Variants in MYO1D observed in about 807,000 individuals in gnomAD.
MYO1D encodes myosin ID.
In MYO1D, 83 loss-of-function variants were observed where a neutral mutation model predicts 122.0. The observed-to-expected ratio is 0.68, with a 90% confidence interval of 0.57 to 0.82. The LOEUF (loss-of-function observed/expected upper bound fraction) is 0.82, where lower values mean the gene tolerates loss of function less well. MYO1D is among the 40% of genes least tolerant of loss of function. The pLI is 0.00. For missense variants in MYO1D, 1,157 were observed against 1,269.5 expected, an observed-to-expected ratio of 0.91 and a Z score of 1.35; for synonymous variants, 464 against 446.9, an observed-to-expected ratio of 1.04 and a Z score of -0.48.
At chr17:32,548,703 A>G (rs2086985889) in intron 21 of MYO1D, among the ~76,000 whole-genome samples, 1 of 145,942 alleles carries the variant, frequency 6.9e-6, no homozygotes, top group African/African-American at 2.6e-5. Flanking sequence ...TTCTTTTTAA[A>G]TTATTTTTTG....
chr17:32,728,503 G>A lies in MYO1D; in HGVS notation c.1747-7314C>T, dbSNP rs373311233. On this transcript the variant is annotated intron_variant, in intron 14 of 21. Transcript: ENST00000318217. The stretch of plus-strand genomic sequence containing the variant: ...TTACAGGCATGAGCCACCGCGCCCG[G>A]CTGCAAATTATTTTTTAAAGACAAA... Among the ~76,000 whole-genome samples the A allele has an allele frequency of 3.9e-5, 6 of 152,230 alleles. No homozygotes were observed. The East Asian group carries it at 7.7e-4, about 20-fold the overall frequency.
chr17:32,757,955 T>A (rs1990823), intron 10 of MYO1D, among the ~76,000 whole-genome samples: 65,953 of 151,882 alleles, frequency 0.43, 14,914 homozygotes, highest in East Asian at 0.73. Context: ...TTCTCAATAG[T>A]TAAAATGATT....
chr17:32,872,798 G>A (rs1324862715), intron 1 of MYO1D, among the ~76,000 whole-genome samples: 2 of 148,584 alleles, frequency 1.3e-5, no homozygotes, highest in Non-Finnish European at 3.0e-5. Flanking sequence ...CCGGGTTCAC[G>A]CCATTCTCCT....
chr17:32,627,359 T>C (rs2087942076), intron 20 of MYO1D, among the ~76,000 whole-genome samples: 1 of 152,110 alleles, frequency 6.6e-6, no homozygotes, highest in Non-Finnish European at 1.5e-5. Flanking sequence ...ACCCCTTCCT[T>C]TGGGACACTG....
chr17:32,506,997 AG>A (rs1343008770), intron 21 of MYO1D, among the ~76,000 whole-genome samples: 3 of 152,226 alleles, frequency 2.0e-5, no homozygotes, highest in African/African-American at 7.2e-5. Context: ...ATTAAAAAAA[AG>A]TTCATTAGAT....
At chr17:32,634,787 C>G (rs898795712) in intron 20 of MYO1D, among the ~76,000 whole-genome samples, 1 of 152,134 alleles carries the variant, frequency 6.6e-6, no homozygotes, top group Non-Finnish European at 1.5e-5. Flanking sequence ...GGGAAGAATC[C>G]AAGGACCTAG....
intron 3 of MYO1D, among the ~76,000 whole-genome samples, chr17:32,776,532 C>A (rs914746994): frequency 1.3e-5 from 2 of 152,098 alleles, no homozygotes; most frequent in African/African-American, 4.8e-5. Flanking sequence ...TTTTGTTTTT[C>A]ATTTTATAAA....
At chr17:32,598,394 C>A (rs997775297) in intron 21 of MYO1D, among the ~76,000 whole-genome samples, 17 of 152,062 alleles carry the variant, frequency 1.1e-4, no homozygotes, top group African/African-American at 3.9e-4. Flanking sequence ...AAAAAAGAAA[C>A]CTGTTTGACT....
chr17:32,525,704 G>A (rs1190223412), intron 21 of MYO1D, among the ~76,000 whole-genome samples: 4 of 152,036 alleles, frequency 2.6e-5, no homozygotes, highest in Admixed American at 2.0e-4. Flanking sequence ...ACACTGCAGC[G>A]GCCCTCCCTG....
chr17:32,718,110 AG>A (rs894516634), intron 15 of MYO1D, among the ~76,000 whole-genome samples: 1 of 152,190 alleles, frequency 6.6e-6, no homozygotes, highest in Non-Finnish European at 1.5e-5. Flanking sequence ...TTTTTAAAAA[AG>A]TTTAGTTTTT....
At chr17:32,828,507 C>G (rs1421937360) in intron 1 of MYO1D, among the ~76,000 whole-genome samples, 1 of 108,170 alleles carries the variant, frequency 9.2e-6, no homozygotes, top group Non-Finnish European at 1.8e-5. Flanking sequence ...CAGAGCGAGA[C>G]TCCGTCTCAA....
intron 17 of MYO1D, among the ~76,000 whole-genome samples, chr17:32,658,010 T>C (rs2088501269): frequency 6.6e-6 from 1 of 152,196 alleles, no homozygotes; most frequent in Non-Finnish European, 1.5e-5. Flanking sequence ...GCTCAAATCA[T>C]ATGTGACTAC....
At chr17:32,496,512 A>T (rs1187360763) in intron 21 of MYO1D, among the ~76,000 whole-genome samples, 1 of 152,260 alleles carries the variant, frequency 6.6e-6, no homozygotes, top group African/African-American at 2.4e-5. Flanking sequence ...GCCCTCTTCT[A>T]CTCTTGTGGG....
chr17:32,560,078 A>C (rs961892278), intron 21 of MYO1D, among the ~76,000 whole-genome samples: 15 of 152,152 alleles, frequency 9.9e-5, no homozygotes, highest in African/African-American at 3.4e-4. Flanking sequence ...AACATGGTGA[A>C]ACCCCCATCT....
intron 1 of MYO1D, among the ~76,000 whole-genome samples, chr17:32,847,918 A>G (rs1014181320): frequency 2.6e-5 from 4 of 152,248 alleles, no homozygotes; most frequent in African/African-American, 7.2e-5. Context: ...ATAAGAACCA[A>G]AGATTGTTTA....
chr17:32,647,465 C>G (rs1257537106), intron 19 of MYO1D, among the ~76,000 whole-genome samples: 4 of 152,178 alleles, frequency 2.6e-5, no homozygotes, highest in Non-Finnish European at 5.9e-5. Context: ...TGTTCTCTGT[C>G]AGACATAAAA....
At chr17:32,581,687 C>T (rs2087341567) in intron 21 of MYO1D, among the ~76,000 whole-genome samples, 1 of 151,984 alleles carries the variant, frequency 6.6e-6, no homozygotes, top group Non-Finnish European at 1.5e-5. Flanking sequence ...TTTCTCCCAC[C>T]TCAGCCTCCT....
chr17:32,876,325 G>C (rs2091229577), intron 1 of MYO1D, among the ~76,000 whole-genome samples: 2 of 152,058 alleles, frequency 1.3e-5, no homozygotes, highest in African/African-American at 4.8e-5. Flanking sequence ...GTGTAAAGCC[G>C]GGATGAGACG....
chr17:32,807,737 C>A (rs527518284), intron 1 of MYO1D, among the ~76,000 whole-genome samples: 1 of 152,156 alleles, frequency 6.6e-6, no homozygotes. Context: ...AAGCAGCTTG[C>A]GTGCTCAGGG....
Sources: allele counts gnomAD v4.1 joint callset (sites outside exome capture counted in the v4.1 genomes callset), GRCh38; gene constraint gnomAD v4.1.1; transcripts MANE v1.5; gene names NCBI Gene and HGNC (gene_info 2026-07-23, HGNC 2026-07-21).